EMCN: variants seen among roughly 807,000 people sequenced by gnomAD.
EMCN encodes MUC-14.
Under a neutral mutation model 38.4 loss-of-function variants are expected in EMCN, and 37 were observed. The observed-to-expected ratio is 0.96, with a 90% CI of 0.74 to 1.27. The LOEUF (loss-of-function observed/expected upper bound fraction) is 1.27, where lower values mean the gene tolerates loss of function less well. Among genes scored for constraint, EMCN ranks in the 50% most tolerant of loss-of-function variants. The probability of loss-of-function intolerance (pLI) is 0.00; values close to 1 mark genes in which losing one functional copy is unlikely to be tolerated. For missense variants in EMCN, 318 were observed against 302.8 expected, an observed-to-expected ratio of 1.05 and a Z score of -0.37; for synonymous variants, 95 against 100.8, an observed-to-expected ratio of 0.94 and a Z score of 0.35.
intron 6 of EMCN, 38 bp from the exon 7 acceptor site, chr4:100,423,118 G>T: frequency 6.3e-7 from 1 of 1,597,582 alleles, no homozygotes. Flanking sequence ...TTTGGTTAAT[G>T]TGTGCCAATT....
chr4:100,463,889 T>C (rs1728247314), intron 4 of EMCN, among the ~76,000 whole-genome samples: 1 of 152,160 alleles, frequency 6.6e-6, no homozygotes, highest in Non-Finnish European at 1.5e-5. Context: ...GTTTTGACTA[T>C]TCCAGGTCCT....
intron 4 of EMCN, among the ~76,000 whole-genome samples, chr4:100,460,687 G>A (rs530624892): frequency 2.4e-4 from 36 of 152,226 alleles, no homozygotes; most frequent in African/African-American, 8.7e-4. Context: ...GAAATTATGG[G>A]AGCTACAATT....
chr4:100,491,571 C>T (rs758728052), intron 1 of EMCN, among the ~76,000 whole-genome samples: 2 of 152,216 alleles, frequency 1.3e-5, no homozygotes, highest in Admixed American at 6.5e-5. Context: ...TGGTCCCATC[C>T]ATCCTGATCA....
chr4:100,410,392 G>C, intron 10 of EMCN, 37 bp from the exon 11 acceptor site: 3 of 1,594,434 alleles, frequency 1.9e-6, no homozygotes, highest in Non-Finnish European at 2.6e-6. Flanking sequence ...TGTAAGCTCA[G>C]AGACTGAGTA....
rs930042629 is a variant in EMCN, at chr4:100,396,114, A to G, written c.*2299T>C. 6.6e-6 allele frequency: 1 copy of G among 152,182 alleles called. No individual in the cohort carries two copies. The highest frequency in any genetic ancestry group is 1.5e-5 in the Non-Finnish European group (1 of 68,034). 9.4% of individuals were successfully genotyped at this position (152,182 alleles called of 1,614,324 possible). A position where few individuals can be genotyped will look rare whatever the true frequency, so the allele number is the denominator to read the frequency against. On this transcript the variant is annotated 3_prime_UTR_variant, in exon 12 of 12. Transcript: ENST00000296420. ...GGTAATTTTGGCTTGAAAACAAAAT[A>G]TCCTATCTCAACAGAAGTTTAAGTT... is the stretch of plus-strand genomic sequence containing the variant.
rs146756857 is a variant in EMCN, at chr4:100,409,242, T to G, written c.*39+1040A>C. On this transcript the variant is annotated intron_variant, in intron 11 of 11. Coordinates refer to ENST00000296420, the MANE Select transcript of EMCN (RefSeq NM_016242.4). ...TTATTTTATTTTATTTTATTTTTTA[T>G]TGTTAGTTGCCGAAAGGTAGATTCT... Among the ~76,000 whole-genome samples the G allele has an allele frequency of 2.9e-3, 448 of 152,326 alleles. 2 individuals are homozygous for G. The highest frequency in any genetic ancestry group is 0.01 in the African/African-American group (430 of 41,572).
At chr4:100,429,357 T>A (rs1197617561) in intron 5 of EMCN, among the ~76,000 whole-genome samples, 1 of 152,204 alleles carries the variant, frequency 6.6e-6, no homozygotes, top group Admixed American at 6.6e-5. Context: ...TGGAGTCTCC[T>A]CTAACTTTAG....
At chr4:100,481,861 TCTTC>T (rs1295023843) in intron 1 of EMCN, among the ~76,000 whole-genome samples, 14 of 151,130 alleles carry the variant, frequency 9.3e-5, no homozygotes, top group East Asian at 1.9e-4. Flanking sequence ...TTCCTTCCTT[TCTTC>T]CTTCCTTCCT....
intron 8 of EMCN, among the ~76,000 whole-genome samples, chr4:100,417,835 A>G (rs1368208908): frequency 7.9e-5 from 12 of 152,180 alleles, no homozygotes. Flanking sequence ...GCATTAATCT[A>G]TGGCCAATCA....
chr4:100,486,867 G>T lies in EMCN; in HGVS notation c.65-6828C>A, dbSNP rs974768650. ...GTAAATTGCCTACACTCACCCAGGT[G>T]TCTTGTTCAAAAGTACGGGGCCATG... On this transcript the variant is annotated intron_variant, in intron 1 of 11. Coordinates refer to ENST00000296420, the MANE Select transcript of EMCN (RefSeq NM_016242.4). 6.6e-5 allele frequency: 65 copies of T among 985,468 alleles called. No homozygotes were observed. The South Asian group carries it at 1.4e-3, about 21-fold the overall frequency. 61.0% of individuals were successfully genotyped at this position (985,468 alleles called of 1,614,324 possible). A position where few individuals can be genotyped will look rare whatever the true frequency, so the allele number is the denominator to read the frequency against.
At chr4:100,447,710 G>T in intron 4 of EMCN, 139 bp from the exon 5 acceptor site, 1 of 605,420 alleles carries the variant, frequency 1.7e-6, no homozygotes, top group Non-Finnish European at 2.8e-6. Flanking sequence ...ATAAAATCAT[G>T]ATTCTTCATG....
chr4:100,501,020 T>C (rs571582761), intron 1 of EMCN, among the ~76,000 whole-genome samples: 18 of 152,256 alleles, frequency 1.2e-4, no homozygotes, highest in Admixed American at 5.9e-4. Context: ...TTTGTGGCTG[T>C]ATTTTCAATT....
At chr4:100,440,254 A>G (rs1368877887) in intron 5 of EMCN, among the ~76,000 whole-genome samples, 1 of 151,826 alleles carries the variant, frequency 6.6e-6, no homozygotes, top group Admixed American at 6.6e-5. Context: ...TTTTTATTTT[A>G]ATAGCTTTTG....
chr4:100,502,231 G>A (rs549130719), intron 1 of EMCN, among the ~76,000 whole-genome samples: 21 of 152,244 alleles, frequency 1.4e-4, no homozygotes, highest in African/African-American at 4.3e-4. Context: ...ATGCAAATGG[G>A]ATCTTTACCT....
At chr4:100,402,172 G>C (rs1020217817) in intron 11 of EMCN, among the ~76,000 whole-genome samples, 3 of 152,070 alleles carry the variant, frequency 2.0e-5, no homozygotes, top group Non-Finnish European at 4.4e-5. Context: ...AAGCTTTGCA[G>C]AAGGCAAGGT....
chr4:100,503,954 T>A (rs987527473), intron 1 of EMCN, among the ~76,000 whole-genome samples: 1 of 152,180 alleles, frequency 6.6e-6, no homozygotes, highest in African/African-American at 2.4e-5. Flanking sequence ...TATCTAGATA[T>A]GTTAAATTAC....
chr4:100,415,751 T>C, intron 10 of EMCN, 147 bp downstream of exon 10: 1 of 558,990 alleles, frequency 1.8e-6, no homozygotes, highest in South Asian at 2.4e-5. Context: ...CTTTCCTTCA[T>C]GGGAGAATTT....
At chr4:100,415,128 C>T (rs1004182777) in intron 10 of EMCN, among the ~76,000 whole-genome samples, 6 of 152,094 alleles carry the variant, frequency 3.9e-5, no homozygotes, top group African/African-American at 1.4e-4. Flanking sequence ...AACTCCTGAC[C>T]TCAGGTGATC....
At chr4:100,487,694 A>G (rs967311257) in intron 1 of EMCN, among the ~76,000 whole-genome samples, 5 of 152,120 alleles carry the variant, frequency 3.3e-5, no homozygotes, top group African/African-American at 9.7e-5. Flanking sequence ...TTTCCTGTGC[A>G]CTTGCACACA....
Sources: allele counts gnomAD v4.1 joint callset (sites outside exome capture counted in the v4.1 genomes callset), GRCh38; gene constraint gnomAD v4.1.1; transcripts MANE v1.5; gene names NCBI Gene and HGNC (gene_info 2026-07-23, HGNC 2026-07-21).